IL34: variants seen among roughly 807,000 people sequenced by gnomAD.
IL34 encodes interleukin 34.
A neutral mutation model predicts 25.3 loss-of-function variants in IL34; 17 were observed. The observed-to-expected ratio is 0.67, with a 90% CI of 0.46 to 1.01. The LOEUF (loss-of-function observed/expected upper bound fraction) is 1.01, where lower values mean the gene tolerates loss of function less well. Ranked by LOEUF, IL34 falls within the 50% of genes least tolerant of loss-of-function variation. The pLI, the probability that IL34 is intolerant of heterozygous loss-of-function variation, is 0.00. For missense variants in IL34, 368 were observed against 312.9 expected (o/e 1.18, Z -1.33); for synonymous variants, 174 against 140.9 (o/e 1.23, Z -1.66).
In IL34 at chr16:70,633,507, C is replaced by A. The variant is rs570353247; in HGVS notation, c.-400-13041C>A. On this transcript the variant is annotated intron_variant, in intron 1 of 6. Coordinates refer to the IL34 transcript ENST00000429149. ...TTCAAACTTCAGACCTCAAATGATC[C>A]TCCAACCTCGGCCTCCCAAAGTGCT... 5.9e-5 allele frequency among the ~76,000 whole-genome samples: 9 copies of A among 152,042 alleles called. No individual in the cohort carries two copies. In the South Asian group the frequency reaches 1.9e-3, roughly 32 times the overall value.
At chr16:70,624,915 C>G (rs911695172) in intron 1 of IL34, among the ~76,000 whole-genome samples, 3 of 151,370 alleles carry the variant, frequency 2.0e-5, no homozygotes, top group Admixed American at 6.6e-5. Flanking sequence ...AGGGGACAGG[C>G]GGGAGGGAAA....
intron 1 of IL34, among the ~76,000 whole-genome samples, chr16:70,580,944 C>G (rs529417202): frequency 2.0e-5 from 3 of 149,938 alleles, no homozygotes; most frequent in African/African-American, 7.4e-5. Flanking sequence ...TGGAGTCTTG[C>G]TGTGTCGACC....
intron 1 of IL34, among the ~76,000 whole-genome samples, chr16:70,611,816 C>G (rs1307605064): frequency 6.6e-6 from 1 of 152,058 alleles, no homozygotes; most frequent in East Asian, 1.9e-4. Flanking sequence ...TGCACTGCAG[C>G]CTGGGTGACA....
At chr16:70,582,987 G>C (rs1045245139) in intron 1 of IL34, among the ~76,000 whole-genome samples, 3 of 152,302 alleles carry the variant, frequency 2.0e-5, no homozygotes, top group South Asian at 4.1e-4. Context: ...GACCTGCAGG[G>C]CTGGATGTAG....
At chr16:70,624,372 T>C in intron 1 of IL34, among the ~76,000 whole-genome samples, 2 of 152,092 alleles carry the variant, frequency 1.3e-5, no homozygotes. Context: ...TGCAACTTTT[T>C]TTCTGTTACT....
chr16:70,644,006 G>T (rs550029701), upstream of IL34, among the ~76,000 whole-genome samples: 1 of 152,050 alleles, frequency 6.6e-6, no homozygotes, highest in Non-Finnish European at 1.5e-5. Flanking sequence ...ACAGAATCTC[G>T]CTCTGTTGCC....
chr16:70,650,905 C>T (rs1199062017), intron 1 of IL34, among the ~76,000 whole-genome samples: 1 of 152,232 alleles, frequency 6.6e-6, no homozygotes, highest in Non-Finnish European at 1.5e-5. Flanking sequence ...GCACGCTGGG[C>T]TGTGCAGTGT....
chr16:70,626,902 G>C (rs373850036), intron 1 of IL34, among the ~76,000 whole-genome samples: 2 of 152,060 alleles, frequency 1.3e-5, no homozygotes, highest in East Asian at 1.9e-4. Flanking sequence ...GTCTATTTCA[G>C]AACTTGCTAC....
Position 70,610,039 on chromosome 16 carries a change from T to C in IL34, c.-401+29990T>C, listed in dbSNP as rs191093572. On this transcript the variant is annotated intron_variant, in intron 1 of 6. Coordinates refer to the IL34 transcript ENST00000429149. Reference sequence around the variant, plus strand: ...GCCAACACGGCGAAACCGTCTCTACTAAAAATACAAAAATTAGCCAGGTGT... The same window carrying C: ...GCCAACACGGCGAAACCGTCTCTACCAAAAATACAAAAATTAGCCAGGTGT... 2.0e-5 allele frequency among the ~76,000 whole-genome samples: 3 copies of C among 152,162 alleles called. No homozygotes were observed. In the East Asian group the frequency reaches 5.8e-4, roughly 29 times the overall value.
rs1338082185 is a variant in IL34, at chr16:70,650,158, G to A, written c.28+3183G>A. Among the ~76,000 whole-genome samples the A allele has an allele frequency of 2.6e-5, 4 of 152,186 alleles. No homozygotes were observed. The South Asian group carries it at 8.3e-4, about 32-fold the overall frequency. Reference sequence around the variant, plus strand: ...GGGCAGGGTGGGTCTCCTGACCAAGGTCAGGGGTGGCACTGGCTGTGGGGT... The same window carrying A: ...GGGCAGGGTGGGTCTCCTGACCAAGATCAGGGGTGGCACTGGCTGTGGGGT... On this transcript the variant is annotated intron_variant, in intron 1 of 5. Coordinates refer to ENST00000288098, the MANE Select transcript of IL34 (RefSeq NM_001393494.1).
chr16:70,622,643 G>C (rs982700943), intron 1 of IL34, among the ~76,000 whole-genome samples: 1 of 151,996 alleles, frequency 6.6e-6, no homozygotes, highest in Admixed American at 6.6e-5. Flanking sequence ...ACAGTCATGG[G>C]GGTCAGGTGT....
Position 70,657,084 on chromosome 16 carries a change from T to G in IL34, c.365T>G (p.Val122Gly), listed in dbSNP as rs1232598119. The change falls in exon 4 of 6, where the codon GTG becomes GGG. Residue 122 changes from valine to glycine, a missense_variant. Transcript: ENST00000288098. Reference sequence around the variant, plus strand: ...CCATCCTGGAAGTACCTGCAGGAGGTGGAGACGCTGCTGCTGAATGTCCAG... The same window carrying G: ...CCATCCTGGAAGTACCTGCAGGAGGGGGAGACGCTGCTGCTGAATGTCCAG... ...GHPSWKYLQEVETLLLNVQQG... is the reference protein window; with the variant it reads ...GHPSWKYLQEGETLLLNVQQG... The G allele has an allele frequency of 6.2e-7, 1 of 1,612,542 alleles. No homozygotes were observed. Among genetic ancestry groups the G allele is most frequent in the South Asian group, 1.1e-5 (1 of 90,980 alleles).
chr16:70,647,995 G>A (rs747434292), intron 1 of IL34, among the ~76,000 whole-genome samples: 1 of 152,222 alleles, frequency 6.6e-6, no homozygotes, highest in Non-Finnish European at 1.5e-5. Context: ...AGAGGGGCCA[G>A]TGTGAGCAAA....
chr16:70,628,788 T>C (rs1168452038), intron 1 of IL34, among the ~76,000 whole-genome samples: 1 of 145,620 alleles, frequency 6.9e-6, no homozygotes, highest in African/African-American at 2.5e-5. Context: ...CACCTGGTCT[T>C]TTTTTTTTTT....
At chr16:70,637,343 G>A (rs1344961874) in intron 1 of IL34, among the ~76,000 whole-genome samples, 2 of 145,742 alleles carry the variant, frequency 1.4e-5, no homozygotes, top group Admixed American at 1.4e-4. Context: ...TATGGTCCAT[G>A]TCAAGTTAAT....
At chr16:70,633,245 G>A (rs2051559674) in intron 1 of IL34, among the ~76,000 whole-genome samples, 1 of 151,314 alleles carries the variant, frequency 6.6e-6, no homozygotes, top group African/African-American at 2.4e-5. Context: ...GATTACAAGT[G>A]CCCAGACTGA....
intron 1 of IL34, among the ~76,000 whole-genome samples, chr16:70,609,603 G>T (rs540752788): frequency 6.6e-5 from 10 of 152,224 alleles, no homozygotes; most frequent in Non-Finnish European, 1.2e-4. Flanking sequence ...AATGCTGGGG[G>T]ATATTAGGGG....
At chr16:70,611,537 C>A (rs1281009626) in intron 1 of IL34, among the ~76,000 whole-genome samples, 1 of 152,090 alleles carries the variant, frequency 6.6e-6, no homozygotes, top group African/African-American at 2.4e-5. Context: ...ACCTGTAATC[C>A]CAGCTCTTTG....
intron 1 of IL34, among the ~76,000 whole-genome samples, chr16:70,641,356 G>A (rs12325225): frequency 0.061 from 9,323 of 152,088 alleles, 909 homozygotes; most frequent in African/African-American, 0.21. Flanking sequence ...TGGCCAAAAG[G>A]TGGAAACAGC....
Sources: gnomAD v4.1 joint callset for allele counts (sites outside exome capture counted in the v4.1 genomes callset) on GRCh38, gnomAD v4.1.1 for gene constraint, MANE v1.5 for transcripts, NCBI Gene and HGNC (gene_info 2026-07-23, HGNC 2026-07-21) for gene names.